The following NACAD variants were observed in gnomAD, a reference collection of about 807,000 sequenced individuals.
NACAD encodes NAC-alpha domain-containing protein 1.
A neutral mutation model predicts 98.9 loss-of-function variants in NACAD; 47 were observed. That is an observed-to-expected ratio of 0.48 (90% confidence interval 0.38 to 0.61). NACAD has a LOEUF of 0.61. Ranked by LOEUF, NACAD falls within the 20% of genes least tolerant of loss-of-function variation. The probability of loss-of-function intolerance (pLI) is 0.00; values close to 1 mark genes in which losing one functional copy is unlikely to be tolerated. For synonymous variants in NACAD, 696 were observed against 767.2 expected, an observed-to-expected ratio of 0.91 and a Z score of 1.53; for missense variants, 1,412 against 1,748.2, an observed-to-expected ratio of 0.81 and a Z score of 3.43.
chr7:45,085,349 C>G lies in NACAD; in HGVS notation c.831G>C (p.Glu277Asp). The change falls in exon 2 of 8, where the codon GAG (glutamate) becomes GAC (aspartate). Residue 277 changes from glutamate to aspartate, a missense_variant. Glu to Asp is a conservative substitution (Grantham distance 45). This residue lies in a region of NACAD where 638 missense variants were observed against 722.7 expected (regional missense o/e 0.88). Coordinates refer to ENST00000490531, the MANE Select transcript of NACAD (RefSeq NM_001146334.2). The surrounding 1 kb of genome is among the most constrained non-coding windows in gnomAD (Gnocchi z 6.1). ...AGCTGCTGTCTGCAGAGAGGCTGGACTCAGAGGACGGGGGCTCTGGGGTCC... is the reference window on the plus strand; with the variant it reads ...AGCTGCTGTCTGCAGAGAGGCTGGAGTCAGAGGACGGGGGCTCTGGGGTCC... ...PAGTPEPPSS[E>D]SSLSADSSSS... 2 of 1,550,648 alleles carry G rather than the reference C, an allele frequency of 1.3e-6. No individual in the cohort carries two copies. The highest frequency in any genetic ancestry group is 1.4e-5 in the African/African-American group (1 of 73,182).
At chr7:45,086,701 C>T (rs1173195897) in intron 1 of NACAD, among the ~76,000 whole-genome samples, 1 of 152,260 alleles carries the variant, frequency 6.6e-6, no homozygotes, top group East Asian at 1.9e-4. Context: ...CCCTGCTCCC[C>T]TCCTGCACCC....
In NACAD at chr7:45,082,093, C is replaced by A; in HGVS notation, c.4072+15G>T. 6.8e-7 allele frequency: 1 copy of A among 1,464,894 alleles called. No homozygotes were observed. 90.7% of individuals were successfully genotyped at this position (1,464,894 alleles called of 1,614,324 possible). A position where few individuals can be genotyped will look rare whatever the true frequency, so the allele number is the denominator to read the frequency against. On this transcript the variant is annotated intron_variant, in intron 2 of 7. Coordinates refer to ENST00000490531, the MANE Select transcript of NACAD (RefSeq NM_001146334.2). This position sits in a 1 kb window ranked among gnomAD's most constrained non-coding sequence, Gnocchi z 4.5. ...CCCAAGCCCCAGGGCACTTCACTCC[C>A]ACCCTCTGCCTTACCTTCCTCCAGG...
chr7:45,085,299 A>G lies in NACAD; in HGVS notation c.881T>C (p.Phe294Ser). The stretch of plus-strand genomic sequence containing the variant: ...ATTGGCCAGGAAGTCCAGGTCGAAG[A>G]AGTGGCCCTCCTGGCCCCAGGAGGA... ...SSSSWGQEGH[F>S]FDLDFLANDP... Residue 294 changes from phenylalanine (F) to serine (S), a missense_variant, in exon 2 of 8, where the codon TTC (phenylalanine) becomes TCC (serine). Physicochemically the swap from Phe to Ser is radical, Grantham distance 155. This residue lies in a region of NACAD where 638 missense variants were observed against 722.7 expected (regional missense o/e 0.88). Transcript: ENST00000490531. This position sits in a 1 kb window ranked among gnomAD's most constrained non-coding sequence, Gnocchi z 6.1. 1 of 1,551,140 alleles carries G rather than the reference A, an allele frequency of 6.4e-7. No individual in the cohort carries two copies.
Position 45,082,652 on chromosome 7 carries a change from T to C in NACAD, c.3528A>G (p.Ala1176=), listed in dbSNP as rs1784449233. 4 of 1,510,768 alleles carry C rather than the reference T, an allele frequency of 2.6e-6. No homozygotes were observed. Among genetic ancestry groups the C allele is most frequent in the Admixed American group, 2.1e-5 (1 of 47,014 alleles). The allele number at this position is 1,510,768 out of a possible 1,614,324, so 93.6% of individuals were successfully genotyped here. A position where few individuals can be genotyped will look rare whatever the true frequency, so the allele number is the denominator to read the frequency against. Reference sequence around the variant, plus strand: ...CAGGCTCCGGCTGCTGGGAGGTTGGTGCAGACGTGGGGGCAGGCGCGTCAG... The same window carrying C: ...CAGGCTCCGGCTGCTGGGAGGTTGGCGCAGACGTGGGGGCAGGCGCGTCAG... ...GCPDAPAPTS[A]PTSQQPEPVL... The change falls in exon 2 of 8, where the codon GCA becomes GCG. Residue 1176 remains alanine (A), a synonymous_variant. Transcript: ENST00000490531. The surrounding 1 kb of genome is among the most constrained non-coding windows in gnomAD (Gnocchi z 4.5).
Position 45,088,343 on chromosome 7 carries a change from T to G in NACAD, c.67+485A>C, listed in dbSNP as rs545439829. Among the ~76,000 whole-genome samples the G allele has an allele frequency of 6.6e-6, 1 of 152,336 alleles. No individual in the cohort carries two copies. On this transcript the variant is annotated intron_variant, in intron 1 of 7. Coordinates refer to ENST00000490531, the MANE Select transcript of NACAD (RefSeq NM_001146334.2). The surrounding 1 kb of genome is among the most constrained non-coding windows in gnomAD (Gnocchi z 5.7). ...CCCTCCATCCGGGCTTCCTAGGCTCTGGCCAGTCCTGCTCCTCCCTCCAGA... is the reference window on the plus strand; with the variant it reads ...CCCTCCATCCGGGCTTCCTAGGCTCGGGCCAGTCCTGCTCCTCCCTCCAGA...
At chr7:45,086,954 G>A (rs1043009466) in intron 1 of NACAD, among the ~76,000 whole-genome samples, 1 of 152,188 alleles carries the variant, frequency 6.6e-6, no homozygotes, top group Admixed American at 6.5e-5. Flanking sequence ...CCGGGTGCTG[G>A]GAGTTCCCAC....
intron 1 of NACAD, 89 bp from the exon 2 acceptor site, chr7:45,086,201 G>A (rs1050760978): frequency 3.4e-5 from 47 of 1,376,260 alleles, no homozygotes; most frequent in Non-Finnish European, 4.5e-5. Flanking sequence ...GGCTGCATAG[G>A]GCCCAGAGGA....
Position 45,080,870 on chromosome 7 carries a change from C to A in NACAD, c.4551+6G>T. The A allele has an allele frequency of 6.4e-7, 1 of 1,555,862 alleles. No homozygotes were observed. On this transcript the variant is annotated splice_donor_region_variant and intron_variant, in intron 6 of 7. Coordinates refer to ENST00000490531, the MANE Select transcript of NACAD (RefSeq NM_001146334.2). ...CCTGCGAGGCCCTGGAGCCCCTGCACTTCACCTCTTCCTCCTCCTCCTCTT... is the reference window on the plus strand; with the variant it reads ...CCTGCGAGGCCCTGGAGCCCCTGCAATTCACCTCTTCCTCCTCCTCCTCTT...
At position 45,082,330 on chromosome 7, in the gene NACAD, C is replaced by T. The variant is rs1249862464; in HGVS notation, c.3850G>A (p.Val1284Ile). ...QAGVQPAAAA[V>I]SGTTQPLGTG... ...CCCAGAGGCTGTGTGGTTCCTGAGACAGCAGCAGCGGCAGGCTGGACTCCT... is the reference window on the plus strand; with the variant it reads ...CCCAGAGGCTGTGTGGTTCCTGAGATAGCAGCAGCGGCAGGCTGGACTCCT... The change falls in exon 2 of 8, where the codon GTC (valine) becomes ATC (isoleucine). Residue 1284 changes from valine (V) to isoleucine (I), a missense_variant. By Grantham distance (29) the Val-to-Ile change is conservative. Transcript: ENST00000490531. The surrounding 1 kb of genome is among the most constrained non-coding windows in gnomAD (Gnocchi z 4.5). 2 of 1,550,540 alleles carry T rather than the reference C, an allele frequency of 1.3e-6. No homozygotes were observed. The highest frequency in any genetic ancestry group is 2.0e-5 in the Admixed American group (1 of 51,002).
intron 4 of NACAD, 99 bp from the exon 5 acceptor site, chr7:45,081,362 A>T: frequency 6.8e-7 from 1 of 1,471,578 alleles, no homozygotes; most frequent in East Asian, 2.5e-5. Flanking sequence ...TCCACCGCCA[A>T]CTTCCCCAAG....
Position 45,084,411 on chromosome 7 carries a change from G to T in NACAD, c.1769C>A (p.Ala590Asp). ...VAAATIVPRQ[A>D]KEDLTLPQDS... Reference sequence around the variant, plus strand: ...CTGGGGTAAGGTGAGGTCCTCTTTAGCCTGCCTGGGGACAATCGTGGCTGC... The same window carrying T: ...CTGGGGTAAGGTGAGGTCCTCTTTATCCTGCCTGGGGACAATCGTGGCTGC... The change falls in exon 2 of 8, where the codon GCT (alanine) becomes GAT (aspartate). Residue 590 changes from alanine (A) to aspartate (D), a missense_variant. By Grantham distance (126) the Ala-to-Asp change is moderately radical. Around this residue, in one of 5 missense-constraint regions of NACAD, gnomAD observed 72 missense variants for 198.0 expected, o/e 0.36. Transcript: ENST00000490531. 6.5e-7 allele frequency: 1 copy of T among 1,544,804 alleles called. No individual in the cohort carries two copies. Among genetic ancestry groups the T allele is most frequent in the Non-Finnish European group, 8.8e-7 (1 of 1,141,144 alleles).
chr7:45,082,505 C>G lies in NACAD; in HGVS notation c.3675G>C (p.Leu1225=). 1.3e-6 allele frequency: 2 copies of G among 1,549,510 alleles called. No homozygotes were observed. The highest frequency in any genetic ancestry group is 1.4e-5 in the African/African-American group (1 of 72,976). The part of the protein sequence containing the change: ...GQPSTPVDRP[L]GPDPSAPGTL... ...TACCAGGAGCAGAAGGGTCAGGGCCCAGGGGCCTGTCCACGGGCGTGCTGG... is the reference window on the plus strand; with the variant it reads ...TACCAGGAGCAGAAGGGTCAGGGCCGAGGGGCCTGTCCACGGGCGTGCTGG... Residue 1225 remains leucine (L), a synonymous_variant, in exon 2 of 8, where the codon CTG becomes CTC. Coordinates refer to ENST00000490531, the MANE Select transcript of NACAD (RefSeq NM_001146334.2). The surrounding 1 kb of genome is among the most constrained non-coding windows in gnomAD (Gnocchi z 4.5).
At chr7:45,080,559 C>T in intron 7 of NACAD, 36 bp from the exon 8 acceptor site, 1 of 1,551,410 alleles carries the variant, frequency 6.4e-7, no homozygotes, top group South Asian at 1.2e-5. Context: ...GGGAAGCACC[C>T]CGCAGTGGAG....
chr7:45,088,804 G>T lies in NACAD; in HGVS notation c.67+24C>A. On this transcript the variant is annotated intron_variant, in intron 1 of 7. Transcript: ENST00000490531. This position sits in a 1 kb window ranked among gnomAD's most constrained non-coding sequence, Gnocchi z 5.7. Reference sequence around the variant, plus strand: ...CTGGAGAGGGGAGAGGCTGAAGGCAGGGAAAGAGTGGCCACGGCCTCACCT... The same window carrying T: ...CTGGAGAGGGGAGAGGCTGAAGGCATGGAAAGAGTGGCCACGGCCTCACCT... The T allele has an allele frequency of 6.8e-7, 1 of 1,479,994 alleles. No individual in the cohort carries two copies. The highest frequency in any genetic ancestry group is 8.9e-7 in the Non-Finnish European group (1 of 1,118,678). The allele number at this position is 1,479,994 out of a possible 1,614,324, so 91.7% of individuals were successfully genotyped here.
Position 45,082,935 on chromosome 7 carries a change from C to T in NACAD, c.3245G>A (p.Gly1082Glu), listed in dbSNP as rs1033817558. The T allele has an allele frequency of 1.9e-5, 30 of 1,550,964 alleles. No individual in the cohort carries two copies. Among genetic ancestry groups the T allele is most frequent in the African/African-American group, 4.1e-5 (3 of 73,058 alleles). Residue 1082 changes from glycine to glutamate, a missense_variant, in exon 2 of 8, where the codon GGA (glycine) becomes GAA (glutamate). Physicochemically the swap from Gly to Glu is moderately conservative, Grantham distance 98. This residue lies in a region of NACAD where 572 missense variants were observed against 639.6 expected (regional missense o/e 0.89). Coordinates refer to ENST00000490531, the MANE Select transcript of NACAD (RefSeq NM_001146334.2). The surrounding 1 kb of genome is among the most constrained non-coding windows in gnomAD (Gnocchi z 4.5). ...ETLEVENQQE[G>E]GLKPLAQEHG... is the part of the protein sequence containing the mutation. ...TTCCTGTGCCAGTGGCTTCAGGCCT[C>T]CTTCCTGCTGGTTCTCAACCTCCAG...
rs1784503726 is a variant in NACAD at position 45,085,423 on chromosome 7, G to C, written c.757C>G (p.Leu253Val). The change falls in exon 2 of 8, where the codon CTG becomes GTG. Residue 253 changes from leucine (L) to valine (V), a missense_variant. By Grantham distance (32) the Leu-to-Val change is conservative (BLOSUM62 1). Coordinates refer to ENST00000490531, the MANE Select transcript of NACAD (RefSeq NM_001146334.2). The surrounding 1 kb of genome is among the most constrained non-coding windows in gnomAD (Gnocchi z 6.1). Reference protein sequence around the residue: ...EGLDFPSGWGLSPQGSMVDER... With the variant: ...EGLDFPSGWGVSPQGSMVDER... The stretch of plus-strand genomic sequence containing the variant: ...TCCACCATGGACCCCTGCGGGGACA[G>C]GCCCCAGCCTGAGGGGAAGTCCAGC... The C allele has an allele frequency of 6.5e-6, 10 of 1,548,072 alleles. No individual in the cohort carries two copies. The highest frequency in any genetic ancestry group is 7.9e-6 in the Non-Finnish European group (9 of 1,145,616).
At position 45,082,405 on chromosome 7, in the gene NACAD, CAG is replaced by C; in HGVS notation, c.3773_3774del (p.Ser1258CysfsTer94). On this transcript the variant is annotated frameshift_variant, in exon 2 of 8. Coordinates refer to ENST00000490531, the MANE Select transcript of NACAD (RefSeq NM_001146334.2). LOFTEE classifies it high-confidence loss of function. This position sits in a 1 kb window ranked among gnomAD's most constrained non-coding sequence, Gnocchi z 4.5. ...GAGCCTGGGGGCTCCTCGTCTTCCA[CAG>C]AGTCTTCCTGGGGGTCCTGGCACAG... ...PCLCQDPQED[S>X]VEDEEPPGSL... The C allele has an allele frequency of 1.3e-6, 2 of 1,549,480 alleles. No homozygotes were observed. The highest frequency in any genetic ancestry group is 1.7e-6 in the Non-Finnish European group (2 of 1,146,658).
chr7:45,088,437 G>A lies in NACAD; in HGVS notation c.67+391C>T, dbSNP rs1784554930. On this transcript the variant is annotated intron_variant, in intron 1 of 7. Transcript: ENST00000490531. This position sits in a 1 kb window ranked among gnomAD's most constrained non-coding sequence, Gnocchi z 5.7. ...GGACCCTCCCGGTGGTCACCTGATC[G>A]TACTGGGGGTATCAGCCGGACACCC... Among the ~76,000 whole-genome samples, 1 of 152,010 alleles carries A rather than the reference G, an allele frequency of 6.6e-6. No individual in the cohort carries two copies. The highest frequency in any genetic ancestry group is 1.5e-5 in the Non-Finnish European group (1 of 67,994).
chr7:45,081,595 G>A lies in NACAD; in HGVS notation c.4257+6C>T. The A allele has an allele frequency of 6.4e-7, 1 of 1,551,322 alleles. No homozygotes were observed. Among genetic ancestry groups the A allele is most frequent in the Non-Finnish European group, 8.7e-7 (1 of 1,146,988 alleles). ...CCTGAGGTCCCAGAGGGAGCCACCA[G>A]CCCACCTTTCGGGCCTTCTTCTCAC... On this transcript the variant is annotated splice_donor_region_variant and intron_variant, in intron 4 of 7. Transcript: ENST00000490531.
Sources: allele counts gnomAD v4.1 joint callset (sites outside exome capture counted in the v4.1 genomes callset), GRCh38; gene constraint gnomAD v4.1.1; regional missense constraint gnomAD v4.1.1; non-coding constraint Gnocchi (gnomAD v3.1); transcripts MANE v1.5; gene names NCBI Gene and HGNC (gene_info 2026-07-23, HGNC 2026-07-21).